RAB3IL1: variants seen among roughly 807,000 people sequenced by gnomAD.
RAB3IL1 encodes RAB3A interacting protein like 1, also known as guanine nucleotide exchange factor for Rab-3A.
In RAB3IL1, 37 loss-of-function variants were observed where a neutral mutation model predicts 49.2. The observed-to-expected ratio is 0.75, with a 90% CI of 0.58 to 0.99. The LOEUF (loss-of-function observed/expected upper bound fraction) is 0.99, where lower values mean the gene tolerates loss of function less well. Among genes scored for constraint, RAB3IL1 ranks in the 50% least tolerant of loss-of-function variants. The probability of loss-of-function intolerance (pLI) is 0.00; values close to 1 mark genes in which losing one functional copy is unlikely to be tolerated. For missense variants in RAB3IL1, 484 were observed against 513.0 expected (o/e 0.94, Z 0.55); for synonymous variants, 193 against 213.9 (o/e 0.90, Z 0.85).
chr11:61,917,349 G>A lies in RAB3IL1; in HGVS notation c.11+8C>T, dbSNP rs962586268. 4 of 1,280,132 alleles carry A rather than the reference G, an allele frequency of 3.1e-6. No individual in the cohort carries two copies. The highest frequency in any genetic ancestry group is 3.9e-6 in the Non-Finnish European group (4 of 1,013,900). 79.3% of individuals were successfully genotyped at this position (1,280,132 alleles called of 1,614,324 possible). A position where few individuals can be genotyped will look rare whatever the true frequency, so the allele number is the denominator to read the frequency against. ...CCAGCGCGGGACCGCGAGCGCGCGC[G>A]GACCTACCCGCTCCACATCCCGGCG... On this transcript the variant is annotated splice_region_variant and intron_variant, in intron 1 of 9. Transcript: ENST00000394836.
intron 1 of RAB3IL1, among the ~76,000 whole-genome samples, chr11:61,909,720 CTA>C (rs1939374556): frequency 6.6e-6 from 1 of 152,248 alleles, no homozygotes; most frequent in Non-Finnish European, 1.5e-5. Flanking sequence ...AGCCTGAGAG[CTA>C]TGGCGGAGCC....
In RAB3IL1 at chr11:61,906,102, G is replaced by A; in HGVS notation, c.657+364C>T. ...ACGGGGTCCAGGCAGCCTCTCCCCT[G>A]AGGCCCAGTGGCTGCTGCTTGGCCT... On this transcript the variant is annotated intron_variant, in intron 5 of 9. Transcript: ENST00000394836. The surrounding 1 kb of genome is among the most constrained non-coding windows in gnomAD (Gnocchi z 4.6). Among the ~76,000 whole-genome samples, 1 of 152,130 alleles carries A rather than the reference G, an allele frequency of 6.6e-6. No homozygotes were observed. The highest frequency in any genetic ancestry group is 1.5e-5 in the Non-Finnish European group (1 of 68,006).
the RAB3IL1 span, among the ~76,000 whole-genome samples, chr11:61,937,139 C>CA: frequency 6.6e-6 from 1 of 151,934 alleles, no homozygotes; most frequent in African/African-American, 2.4e-5. Context: ...CTACAATAAC[C>CA]ATAAATCTAT....
the RAB3IL1 span, among the ~76,000 whole-genome samples, chr11:61,944,947 C>T: frequency 2.0e-5 from 3 of 152,028 alleles, no homozygotes; most frequent in East Asian, 1.9e-4. Context: ...GTGATTCACC[C>T]GCCTCAGCCT....
Position 61,898,732 on chromosome 11 carries a change from G to C in RAB3IL1, c.1067-372C>G, listed in dbSNP as rs1449240431. On this transcript the variant is annotated intron_variant, in intron 9 of 9. Coordinates refer to ENST00000394836, the MANE Select transcript of RAB3IL1 (RefSeq NM_013401.4). This position sits in a 1 kb window ranked among gnomAD's most constrained non-coding sequence, Gnocchi z 5.1. ...CACAAGGACCCTGCGCAGTGAGGCG[G>C]GGACCACAGCGGCCATCCAGGGACC... is the stretch of plus-strand genomic sequence containing the variant. 5 of 482,548 alleles carry C rather than the reference G, an allele frequency of 1.0e-5. No individual in the cohort carries two copies. In the Admixed American group the frequency reaches 1.2e-4, roughly 11 times the overall value. 29.9% of individuals were successfully genotyped at this position (482,548 alleles called of 1,614,324 possible).
intron 1 of RAB3IL1, among the ~76,000 whole-genome samples, chr11:61,908,878 C>A (rs182217580): frequency 6.6e-6 from 1 of 152,240 alleles, no homozygotes; most frequent in Admixed American, 6.5e-5. Flanking sequence ...GACAGACCCA[C>A]TTCCTGTCCC....
the RAB3IL1 span, among the ~76,000 whole-genome samples, chr11:61,933,944 C>CA: frequency 1.5e-4 from 23 of 149,064 alleles, no homozygotes; most frequent in South Asian, 1.1e-3. Flanking sequence ...GACCTTGTCT[C>CA]AGAAAAAAAA....
At chr11:61,929,174 C>T in the RAB3IL1 span, among the ~76,000 whole-genome samples, 1 of 152,240 alleles carries the variant, frequency 6.6e-6, no homozygotes, top group African/African-American at 2.4e-5. Flanking sequence ...GAGAACATTA[C>T]AAATCATCTC....
upstream of RAB3IL1, among the ~76,000 whole-genome samples, chr11:61,922,196 G>A (rs1469641706): frequency 6.1e-5 from 9 of 148,466 alleles, no homozygotes; most frequent in Non-Finnish European, 3.0e-5. Flanking sequence ...GTGGCAAAGC[G>A]AGACTCCGTC....
chr11:61,906,767 C>T lies in RAB3IL1; in HGVS notation c.439-83G>A. 1 of 1,295,548 alleles carries T rather than the reference C, an allele frequency of 7.7e-7. No individual in the cohort carries two copies. Among genetic ancestry groups the T allele is most frequent in the Non-Finnish European group, 1.1e-6 (1 of 922,774 alleles). The allele number at this position is 1,295,548 out of a possible 1,614,324, so 80.3% of individuals were successfully genotyped here. ...CACCGCCTATCAGCCTAACTCAGGA[C>T]AATGCACCCCTGCAGTGACAGGCAC... On this transcript the variant is annotated intron_variant, in intron 4 of 9. Coordinates refer to ENST00000394836, the MANE Select transcript of RAB3IL1 (RefSeq NM_013401.4). The surrounding 1 kb of genome is among the most constrained non-coding windows in gnomAD (Gnocchi z 4.6).
intron 1 of RAB3IL1, among the ~76,000 whole-genome samples, chr11:61,915,857 G>A (rs1939657926): frequency 6.6e-6 from 1 of 151,958 alleles, no homozygotes; most frequent in South Asian, 2.1e-4. Context: ...CTAACATGGT[G>A]AAACCCTGTC....
the RAB3IL1 span, among the ~76,000 whole-genome samples, chr11:61,934,349 CACAT>C: frequency 3.1e-5 from 3 of 97,350 alleles, no homozygotes; most frequent in Non-Finnish European, 4.8e-5. Flanking sequence ...CACACACACA[CACAT>C]ATGTATATAT....
At chr11:61,913,595 T>A (rs866830251) in intron 1 of RAB3IL1, among the ~76,000 whole-genome samples, 11 of 152,098 alleles carry the variant, frequency 7.2e-5, no homozygotes, top group African/African-American at 2.2e-4. Context: ...GCACAGGGCC[T>A]AGGAGGGGGC....
intron 1 of RAB3IL1, 48 bp downstream of exon 1, chr11:61,917,309 G>A (rs1939739030): frequency 3.7e-6 from 5 of 1,354,538 alleles, no homozygotes; most frequent in African/African-American, 1.5e-5. Flanking sequence ...CCCGGGAGGC[G>A]ACCGCGGCCC....
chr11:61,929,746 C>T, the RAB3IL1 span, among the ~76,000 whole-genome samples: 1 of 151,000 alleles, frequency 6.6e-6, no homozygotes, highest in Admixed American at 6.6e-5. Context: ...CCACCACACC[C>T]AGCTAATTTT....
intron 8 of RAB3IL1, among the ~76,000 whole-genome samples, chr11:61,901,151 C>T (rs995615320): frequency 6.6e-6 from 1 of 152,202 alleles, no homozygotes; most frequent in African/African-American, 2.4e-5. Context: ...CCATTTGTCC[C>T]CTTTAGACCT....
At chr11:61,941,479 G>A in the RAB3IL1 span, among the ~76,000 whole-genome samples, 7 of 152,276 alleles carry the variant, frequency 4.6e-5, no homozygotes, top group Non-Finnish European at 7.4e-5. Flanking sequence ...CAGGCTGGGC[G>A]TGGTGGCTCA....
At chr11:61,913,398 T>C (rs540613) in intron 1 of RAB3IL1, among the ~76,000 whole-genome samples, 114,490 of 152,034 alleles carry the variant, frequency 0.75, 43,600 homozygotes, top group Middle Eastern at 0.84. Flanking sequence ...CACAACAGCA[T>C]GTCCTAGTAG....
upstream of RAB3IL1, among the ~76,000 whole-genome samples, chr11:61,922,241 C>T (rs1205443990): frequency 6.6e-6 from 1 of 151,816 alleles, no homozygotes; most frequent in Non-Finnish European, 1.5e-5. Flanking sequence ...AAGAAGACAG[C>T]TGGGGGCGTT....
Sources: gnomAD v4.1 joint callset for allele counts (sites outside exome capture counted in the v4.1 genomes callset) on GRCh38, gnomAD v4.1.1 for gene constraint, Gnocchi (gnomAD v3.1) non-coding constraint, MANE v1.5 for transcripts, NCBI Gene and HGNC (gene_info 2026-07-23, HGNC 2026-07-21) for gene names.